The following AK9 variants were observed in gnomAD, a reference collection of about 807,000 sequenced individuals.
The protein encoded by AK9 is adenylate kinase domain containing 1.
A neutral mutation model predicts 239.6 loss-of-function variants in AK9; 191 were observed. The ratio of observed to expected loss-of-function variants is 0.80; its 90% CI spans 0.71 to 0.90. The LOEUF (loss-of-function observed/expected upper bound fraction) is 0.90. Among genes scored for constraint, AK9 ranks in the 40% least tolerant of loss-of-function variants. The pLI, the probability that AK9 is intolerant of heterozygous loss-of-function variation, is 0.00. For missense variants in AK9, 1,995 were observed against 2,214.7 expected (o/e 0.90, Z 1.99); for synonymous variants, 689 against 721.0 (o/e 0.96, Z 0.71).
At chr6:109,597,386 T>C (rs1383726300) in intron 17 of AK9, among the ~76,000 whole-genome samples, 1 of 152,086 alleles carries the variant, frequency 6.6e-6, no homozygotes, top group Non-Finnish European at 1.5e-5. Flanking sequence ...TTAAAAATTT[T>C]TTTTTGCCGG....
chr6:109,535,616 C>T (rs1471762668), intron 27 of AK9, among the ~76,000 whole-genome samples: 3 of 152,134 alleles, frequency 2.0e-5, no homozygotes, highest in African/African-American at 4.8e-5. Flanking sequence ...TTAATTAGAT[C>T]CCATTTGTCA....
intron 8 of AK9, among the ~76,000 whole-genome samples, chr6:109,653,526 T>C (rs936966584): frequency 8.5e-5 from 13 of 152,234 alleles, no homozygotes; most frequent in Non-Finnish European, 1.6e-4. Flanking sequence ...GGAAAGTTTT[T>C]AACCCTTATC....
chr6:109,493,961 A>G lies in AK9; in HGVS notation c.5533+20T>C, dbSNP rs1157907503. On this transcript the variant is annotated intron_variant, in intron 40 of 40. Transcript: ENST00000424296. ...AATGTTAAATTTGTTCTGAGTAGTA[A>G]ATAATTAAAAAAGACATACCTTTGA... The G allele has an allele frequency of 6.5e-7, 1 of 1,536,672 alleles. No individual in the cohort carries two copies. The highest frequency in any genetic ancestry group is 1.4e-5 in the African/African-American group (1 of 72,978).
intron 17 of AK9, among the ~76,000 whole-genome samples, chr6:109,604,217 C>T (rs368443445): frequency 1.2e-4 from 19 of 152,122 alleles, no homozygotes; most frequent in African/African-American, 2.2e-4. Context: ...TTGGAACCGC[C>T]GTGTAAATTT....
At chr6:109,641,449 G>A in intron 10 of AK9, 69 bp downstream of exon 10, 1 of 1,238,382 alleles carries the variant, frequency 8.1e-7, no homozygotes, top group Non-Finnish European at 1.1e-6. Context: ...GATTACAGGT[G>A]TGAGCCACTG....
chr6:109,521,315 A>T (rs1160907855), intron 29 of AK9, among the ~76,000 whole-genome samples: 2 of 152,030 alleles, frequency 1.3e-5, no homozygotes, highest in Non-Finnish European at 2.9e-5. Context: ...GCTAACTTAC[A>T]TCACTCCTCT....
At chr6:109,638,913 G>A (rs1797048526) in intron 10 of AK9, among the ~76,000 whole-genome samples, 1 of 152,052 alleles carries the variant, frequency 6.6e-6, no homozygotes, top group African/African-American at 2.4e-5. Flanking sequence ...TTGGTTTTCT[G>A]TCCTTGCCAT....
chr6:109,536,672 G>A (rs1180212964), intron 27 of AK9, among the ~76,000 whole-genome samples: 1 of 152,174 alleles, frequency 6.6e-6, no homozygotes, highest in East Asian at 1.9e-4. Flanking sequence ...GGGCATCCCT[G>A]TCTTGTGCCA....
In AK9 at chr6:109,545,996, G is replaced by C; in HGVS notation, c.3096C>G (p.Leu1032=). ...FEEVLQEKLL[L]KTEKKVGPEF... ...CAGGTCCCACTTTCTTTTCAGTTTTGAGTAGTAGTTTTTCTTGAAGAACTT... is the reference window on the plus strand; with the variant it reads ...CAGGTCCCACTTTCTTTTCAGTTTTCAGTAGTAGTTTTTCTTGAAGAACTT... Residue 1032 remains leucine (L), a synonymous_variant, in exon 26 of 41, where the codon CTC becomes CTG. Transcript: ENST00000424296. 1.2e-6 allele frequency: 2 copies of C among 1,613,982 alleles called. No homozygotes were observed. Among genetic ancestry groups the C allele is most frequent in the Non-Finnish European group, 1.7e-6 (2 of 1,179,992 alleles).
intron 32 of AK9, 36 bp from the exon 33 acceptor site, chr6:109,509,416 A>T: frequency 6.6e-7 from 1 of 1,516,132 alleles, no homozygotes; most frequent in Non-Finnish European, 8.9e-7. Flanking sequence ...AAATTAAATG[A>T]TTTAGATTCA....
At chr6:109,525,078 C>T (rs888760241) in intron 29 of AK9, among the ~76,000 whole-genome samples, 1 of 152,172 alleles carries the variant, frequency 6.6e-6, no homozygotes, top group Admixed American at 6.5e-5. Flanking sequence ...CATTCTTCTG[C>T]ATATGGATAA....
intron 8 of AK9, among the ~76,000 whole-genome samples, chr6:109,653,184 C>G (rs1799214929): frequency 6.6e-6 from 1 of 152,170 alleles, no homozygotes; most frequent in African/African-American, 2.4e-5. Context: ...GTCTCCGCCT[C>G]CCAAAGTACT....
intron 10 of AK9, among the ~76,000 whole-genome samples, chr6:109,635,125 GAAAT>G (rs980898634): frequency 5.3e-5 from 8 of 152,128 alleles, no homozygotes; most frequent in African/African-American, 1.9e-4. Context: ...AAAAAAAAAA[GAAAT>G]AAACTCATGA....
At chr6:109,542,269 T>C (rs1220952692) in intron 26 of AK9, 98 bp from the exon 27 acceptor site, 5 of 1,172,462 alleles carry the variant, frequency 4.3e-6, no homozygotes, top group African/African-American at 3.1e-5. Context: ...GAGGACCTCA[T>C]GGAGGTGGAG....
At chr6:109,512,000 C>T (rs540590034) in intron 32 of AK9, among the ~76,000 whole-genome samples, 1 of 152,198 alleles carries the variant, frequency 6.6e-6, no homozygotes, top group African/African-American at 2.4e-5. Context: ...GGCGTGCAAA[C>T]AAGAGCAACT....
chr6:109,533,547 A>C lies in AK9; in HGVS notation c.3351-77T>G, dbSNP rs1582877505. The C allele has an allele frequency of 5.0e-6, 6 of 1,201,000 alleles. No homozygotes were observed. In the East Asian group the frequency reaches 1.2e-4, roughly 25 times the overall value. The allele number at this position is 1,201,000 out of a possible 1,614,324, so 74.4% of individuals were successfully genotyped here. A position where few individuals can be genotyped will look rare whatever the true frequency, so the allele number is the denominator to read the frequency against. The stretch of plus-strand genomic sequence containing the variant: ...TGTGTTCATTAATTTGACTGTAATG[A>C]TCATTATACAAGGTATATTAAGTCA... On this transcript the variant is annotated intron_variant, in intron 27 of 40. Transcript: ENST00000424296.
In AK9 at chr6:109,499,175, A is replaced by G; in HGVS notation, c.4915T>C (p.Phe1639Leu). The stretch of plus-strand genomic sequence containing the variant: ...AGGCTGACAGGGCAGAACTGTTCAA[A>G]TTCTCCCAGGCGAGAAAGCAGCTCT... Reference protein sequence around the residue: ...PQELLSRLGEFEQFCPVSLAE... With the variant: ...PQELLSRLGELEQFCPVSLAE... The change falls in exon 36 of 41, where the codon TTT becomes CTT. Residue 1639 changes from phenylalanine (F) to leucine (L), a missense_variant. Physicochemically the swap from Phe to Leu is conservative, Grantham distance 22. This residue lies in a region of AK9 where 391 missense variants were observed against 456.0 expected (regional missense o/e 0.86). Coordinates refer to ENST00000424296, the MANE Select transcript of AK9 (RefSeq NM_001145128.3). 2 of 1,596,210 alleles carry G rather than the reference A, an allele frequency of 1.3e-6. No homozygotes were observed. The highest frequency in any genetic ancestry group is 1.1e-5 in the South Asian group (1 of 88,008).
intron 1 of AK9, among the ~76,000 whole-genome samples, chr6:109,678,094 C>T (rs12209165): frequency 0.017 from 2,579 of 152,188 alleles, 87 homozygotes; most frequent in Admixed American, 0.089. Flanking sequence ...TTAATGTTCA[C>T]GTAAAAACAT....
chr6:109,516,309 G>A lies in AK9; in HGVS notation c.3846+121C>T, dbSNP rs1165414749. ...AATTGTTAAATGATACCGATAAAAGGAAATACAGCCCTAAAATATACATTT... is the reference window on the plus strand; with the variant it reads ...AATTGTTAAATGATACCGATAAAAGAAAATACAGCCCTAAAATATACATTT... On this transcript the variant is annotated intron_variant, in intron 30 of 40. Transcript: ENST00000424296. 275 of 955,816 alleles carry A rather than the reference G, an allele frequency of 2.9e-4. 1 individual carries two copies. The highest frequency in any genetic ancestry group is 5.6e-5 in the Non-Finnish European group (37 of 656,052). 59.2% of individuals were successfully genotyped at this position (955,816 alleles called of 1,614,324 possible).
Sources: gnomAD v4.1 joint callset for allele counts (sites outside exome capture counted in the v4.1 genomes callset) on GRCh38, gnomAD v4.1.1 for gene constraint, gnomAD v4.1.1 regional missense constraint, MANE v1.5 for transcripts, NCBI Gene and HGNC (gene_info 2026-07-23, HGNC 2026-07-21) for gene names.